IFT80: variants seen among roughly 807,000 people sequenced by gnomAD.
IFT80 encodes intraflagellar transport protein 80 homolog.
Under a neutral mutation model 107.9 loss-of-function variants are expected in IFT80, and 79 were observed. That is an observed-to-expected ratio of 0.73 (90% CI 0.61 to 0.88). IFT80 has a LOEUF of 0.88. IFT80 is among the 40% of genes least tolerant of loss of function. IFT80 has a pLI of 0.00. For missense variants in IFT80, 797 were observed against 914.2 expected (o/e 0.87, Z 1.65); for synonymous variants, 299 against 300.9 (o/e 0.99, Z 0.07).
At chr3:160,391,702 T>G (rs1713397751) in intron 1 of IFT80, 1 of 152,040 alleles carries the variant, frequency 6.6e-6, no homozygotes, top group Admixed American at 6.6e-5. Context: ...CACAGCATAA[T>G]TGGCAAATAA....
At chr3:160,325,249 A>G (rs573247362) in intron 8 of IFT80, among the ~76,000 whole-genome samples, 1,613 of 152,238 alleles carry the variant, frequency 0.011, 14 homozygotes, top group Non-Finnish European at 0.016. Flanking sequence ...TAAGCTACCA[A>G]TGACTTTCTT....
chr3:160,388,416 A>G (rs1489803276), intron 1 of IFT80, among the ~76,000 whole-genome samples: 1 of 151,786 alleles, frequency 6.6e-6, no homozygotes, highest in African/African-American at 2.4e-5. Flanking sequence ...ATCCCTCAGG[A>G]GCAAAAATGT....
intron 3 of IFT80, among the ~76,000 whole-genome samples, chr3:160,378,730 GATA>G (rs1019144175): frequency 6.6e-6 from 1 of 151,354 alleles, no homozygotes; most frequent in South Asian, 2.1e-4. Flanking sequence ...ATTTAAAAAT[GATA>G]ATAATAATAT....
intron 8 of IFT80, among the ~76,000 whole-genome samples, chr3:160,337,689 C>G (rs1003584561): frequency 1.3e-5 from 2 of 151,116 alleles, no homozygotes; most frequent in Non-Finnish European, 2.9e-5. Flanking sequence ...CTTTGAGTAT[C>G]CTATATTAAC....
chr3:160,308,639 T>C (rs1717005200), intron 9 of IFT80, among the ~76,000 whole-genome samples: 1 of 152,178 alleles, frequency 6.6e-6, no homozygotes, highest in Non-Finnish European at 1.5e-5. Flanking sequence ...TTACCATTTT[T>C]CTAAATATAA....
At chr3:160,262,271 CTG>C (rs1274081015) in intron 19 of IFT80, among the ~76,000 whole-genome samples, 6 of 152,124 alleles carry the variant, frequency 3.9e-5, no homozygotes, top group Non-Finnish European at 5.9e-5. Context: ...TGTGACAAGA[CTG>C]TTTTTAGAGA....
chr3:160,258,085 G>A lies in IFT80; in HGVS notation c.*440C>T. On this transcript the variant is annotated 3_prime_UTR_variant, in exon 20 of 20. Coordinates refer to ENST00000326448, the MANE Select transcript of IFT80 (RefSeq NM_020800.3). ...ATAAATAGTGGCATTTTATACATTT[G>A]TACAAATCCATCCTCATGTATTTTT... 4.9e-6 allele frequency: 1 copy of A among 203,256 alleles called. No homozygotes were observed. The highest frequency in any genetic ancestry group is 1.0e-5 in the Non-Finnish European group (1 of 99,844). The allele number at this position is 203,256 out of a possible 1,614,324, so 12.6% of individuals were successfully genotyped here.
chr3:160,337,998 T>A (rs1170830685), intron 8 of IFT80, among the ~76,000 whole-genome samples: 4 of 152,174 alleles, frequency 2.6e-5, no homozygotes, highest in African/African-American at 9.6e-5. Context: ...CAGACTCCTA[T>A]TATATGTACT....
At position 160,307,782 on chromosome 3, in the gene IFT80, C is replaced by CACCGCA; in HGVS notation, c.958-2_958-1insTGCGGT. The CACCGCA allele has an allele frequency of 7.0e-7, 1 of 1,433,084 alleles. No individual in the cohort carries two copies. The highest frequency in any genetic ancestry group is 1.7e-5 in the Admixed American group (1 of 59,632). The allele number at this position is 1,433,084 out of a possible 1,614,324, so 88.8% of individuals were successfully genotyped here. A position where few individuals can be genotyped will look rare whatever the true frequency, so the allele number is the denominator to read the frequency against. ...CTGCATCATTAAGAACATTACGAAC[C>CACCGCA]TAAACAAGGAAAAATAAAATACCAA... On this transcript the variant is annotated splice_acceptor_variant, in intron 9 of 19. Transcript: ENST00000326448. LOFTEE classifies it high-confidence loss of function.
At chr3:160,352,976 G>A (rs986640322) in intron 8 of IFT80, among the ~76,000 whole-genome samples, 27 of 152,170 alleles carry the variant, frequency 1.8e-4, no homozygotes, top group Admixed American at 1.4e-3. Context: ...CCTCTATGAT[G>A]ATCTTAGAGT....
At chr3:160,269,216 G>A (rs368779244) in intron 18 of IFT80, among the ~76,000 whole-genome samples, 13 of 131,956 alleles carry the variant, frequency 9.9e-5, no homozygotes, top group Admixed American at 6.7e-4. Flanking sequence ...GTGACAGAGC[G>A]AGACTCAAAA....
chr3:160,345,568 A>C (rs60009222), intron 8 of IFT80, among the ~76,000 whole-genome samples: 79,488 of 151,476 alleles, frequency 0.52, 21,305 homozygotes, highest in African/African-American at 0.56. Context: ...GTGGCAGGCA[A>C]CTGTAATCTC....
In IFT80 at chr3:160,279,276, T is replaced by A. The variant is rs864622337; in HGVS notation, c.1753A>T (p.Ile585Leu). The A allele has an allele frequency of 3.1e-6, 5 of 1,612,694 alleles. No homozygotes were observed. The highest frequency in any genetic ancestry group is 4.2e-6 in the Non-Finnish European group (5 of 1,178,720). ...TGGAGAATAGCAGGATATGGTGTTA[T>A]GCTGATGTGAACCAGGGAGCCATCA... ...RADGSLVHIS[I>L]TPYPAILHEY... is the part of the protein sequence containing the mutation. Residue 585 changes from isoleucine to leucine, a missense_variant, in exon 16 of 20, where the codon ATA (isoleucine) becomes TTA (leucine). Transcript: ENST00000326448.
At chr3:160,349,809 T>G (rs952826123) in intron 8 of IFT80, among the ~76,000 whole-genome samples, 1 of 152,196 alleles carries the variant, frequency 6.6e-6, no homozygotes, top group African/African-American at 2.4e-5. Flanking sequence ...TTTTCAGGTC[T>G]AAATTGACAC....
Position 160,383,678 on chromosome 3 carries a change from T to C in IFT80, c.37+886A>G, listed in dbSNP as rs553292007. ...TGCAATAAAGTCTACAAAGGATACT[T>C]TGAGCAGAATTAGTCTAAATGTCTA... is the stretch of plus-strand genomic sequence containing the variant. On this transcript the variant is annotated intron_variant, in intron 2 of 19. Transcript: ENST00000326448. The C allele has an allele frequency of 6.1e-6, 6 of 985,330 alleles. No homozygotes were observed. The African/African-American group carries it at 8.7e-5, about 14-fold the overall frequency. The allele number at this position is 985,330 out of a possible 1,614,324, so 61.0% of individuals were successfully genotyped here.
At chr3:160,390,448 C>T (rs1713293520) in intron 1 of IFT80, among the ~76,000 whole-genome samples, 1 of 150,862 alleles carries the variant, frequency 6.6e-6, no homozygotes, top group Non-Finnish European at 1.5e-5. Flanking sequence ...AAAAGAAAAG[C>T]AGTTTCCTTA....
chr3:160,309,586 C>T (rs574891030), intron 9 of IFT80, among the ~76,000 whole-genome samples: 6 of 152,118 alleles, frequency 3.9e-5, no homozygotes, highest in African/African-American at 1.4e-4. Context: ...ACTCAGGAGG[C>T]TGAGGCAGGA....
intron 8 of IFT80, among the ~76,000 whole-genome samples, chr3:160,333,476 G>T (rs934459208): frequency 2.6e-5 from 4 of 152,028 alleles, no homozygotes; most frequent in Non-Finnish European, 4.4e-5. Context: ...TGTGACAGCT[G>T]TACAAATATA....
chr3:160,397,529 A>C (rs1396896643), intron 1 of IFT80, among the ~76,000 whole-genome samples: 1 of 152,216 alleles, frequency 6.6e-6, no homozygotes, highest in Non-Finnish European at 1.5e-5. Flanking sequence ...GAACAATCAT[A>C]AACAGTATGA....
Sources: allele counts gnomAD v4.1 joint callset (sites outside exome capture counted in the v4.1 genomes callset), GRCh38; gene constraint gnomAD v4.1.1; transcripts MANE v1.5; gene names NCBI Gene and HGNC (gene_info 2026-07-23, HGNC 2026-07-21).